CACNA1H: variants seen among roughly 807,000 people sequenced by gnomAD.
The protein encoded by CACNA1H is calcium voltage-gated channel subunit alpha1 H.
CACNA1H carries 149 observed loss-of-function variants against 192.5 expected under a neutral mutation model. The observed-to-expected ratio is 0.77, with a 90% CI of 0.68 to 0.89. The LOEUF (loss-of-function observed/expected upper bound fraction) is 0.89. CACNA1H is among the 40% of genes least tolerant of loss of function. The probability of loss-of-function intolerance (pLI) is 0.00; values close to 1 mark genes in which losing one functional copy is unlikely to be tolerated. For synonymous variants in CACNA1H, 2,202 were observed against 1,475.2 expected, an observed-to-expected ratio of 1.49 and a Z score of -11.29; for missense variants, 4,257 against 3,423.5, an observed-to-expected ratio of 1.24 and a Z score of -6.08.
chr16:1,180,467 G>T lies in CACNA1H; in HGVS notation c.300-14505G>T, dbSNP rs546451954. On this transcript the variant is annotated intron_variant, in intron 2 of 34. Transcript: ENST00000348261. The surrounding 1 kb of genome is among the most constrained non-coding windows in gnomAD (Gnocchi z 4.4). ...CCCCAGTGGTGGGACTGGAGGTGCC[G>T]TGGAGGGTGGGCCTGTGTCCTGGTG... Among the ~76,000 whole-genome samples, 21 of 152,288 alleles carry T rather than the reference G, an allele frequency of 1.4e-4. No homozygotes were observed.
intron 2 of CACNA1H, among the ~76,000 whole-genome samples, chr16:1,178,988 G>A (rs1019183428): frequency 2.0e-5 from 3 of 152,228 alleles, no homozygotes; most frequent in African/African-American, 7.2e-5. Context: ...ATTTTCCTCG[G>A]GATAAACTGA....
chr16:1,160,644 C>T (rs990310544), intron 2 of CACNA1H, among the ~76,000 whole-genome samples: 4 of 152,158 alleles, frequency 2.6e-5, no homozygotes, highest in Admixed American at 6.5e-5. Context: ...CCTCGCGGGG[C>T]GGAGGTGGGC....
At chr16:1,211,870 G>A in intron 24 of CACNA1H, 65 bp downstream of exon 24, 1 of 1,609,076 alleles carries the variant, frequency 6.2e-7, no homozygotes, top group Non-Finnish European at 8.5e-7. Context: ...CTTGGCCTCT[G>A]GGGACTCGGG....
intron 2 of CACNA1H, among the ~76,000 whole-genome samples, chr16:1,171,756 C>T (rs972708645): frequency 6.6e-6 from 1 of 152,152 alleles, no homozygotes; most frequent in Admixed American, 6.5e-5. Context: ...GGCAGCCTCC[C>T]ACCGTCCACA....
chr16:1,208,361 G>A (rs1031012156), intron 16 of CACNA1H, 140 bp downstream of exon 16: 1 of 691,752 alleles, frequency 1.4e-6, no homozygotes, highest in African/African-American at 1.8e-5. Flanking sequence ...CTGAGAAAGA[G>A]TGTTCTGGTT....
At chr16:1,202,744 C>A (rs183046619) in intron 9 of CACNA1H, among the ~76,000 whole-genome samples, 1 of 152,250 alleles carries the variant, frequency 6.6e-6, no homozygotes, top group African/African-American at 2.4e-5. Flanking sequence ...GGGGCAGCAT[C>A]CCATTGCCCC....
In CACNA1H at chr16:1,199,420, A is replaced by T. The variant is rs1332702706; in HGVS notation, c.803+646A>T. Among the ~76,000 whole-genome samples the T allele has an allele frequency of 5.7e-4, 10 of 17,606 alleles. 1 individual carries two copies. The highest frequency in any genetic ancestry group is 2.8e-3 in the African/African-American group (8 of 2,854). The allele number at this position is 17,606 out of a possible 152,430, so 11.6% of individuals were successfully genotyped here. A position where few individuals can be genotyped will look rare whatever the true frequency, so the allele number is the denominator to read the frequency against. On this transcript the variant is annotated intron_variant, in intron 6 of 34. Transcript: ENST00000348261. ...GTCGCTGCACATATGCCCCACCCCC[A>T]TCATGGCTCCGCCCACCGTGCGGTC...
chr16:1,215,840 C>G (rs1008839446), intron 30 of CACNA1H, among the ~76,000 whole-genome samples: 1 of 152,094 alleles, frequency 6.6e-6, no homozygotes, highest in African/African-American at 2.4e-5. Flanking sequence ...CGGTGCACTT[C>G]CAGAGGCGGG....
intron 2 of CACNA1H, among the ~76,000 whole-genome samples, chr16:1,184,397 C>T (rs1038237044): frequency 3.9e-5 from 6 of 152,248 alleles, no homozygotes; most frequent in African/African-American, 9.6e-5. Flanking sequence ...GGACTCCAGG[C>T]GGCTTGGCCT....
At chr16:1,198,019 T>G (rs1308079989) in intron 5 of CACNA1H, among the ~76,000 whole-genome samples, 1 of 152,120 alleles carries the variant, frequency 6.6e-6, no homozygotes. Flanking sequence ...CAGCAGCCTC[T>G]CTCTGAGATG....
rs756807176 is a variant in CACNA1H at position 1,220,837 on chromosome 16, C to T, written c.6905C>T (p.Pro2302Leu). 13 of 1,612,662 alleles carry T rather than the reference C, an allele frequency of 8.1e-6. No homozygotes were observed. The East Asian group carries it at 1.3e-4, about 17-fold the overall frequency. The change falls in exon 35 of 35, where the codon CCC becomes CTC. Residue 2302 changes from proline to leucine, a missense_variant. Pro to Leu is a moderately conservative substitution (Grantham distance 98). Transcript: ENST00000348261. ...GCTTCCTCTTCAGGGGCCATAGTGCCCCTGGAACCCCCAGAATCAGAGCCT... is the reference window on the plus strand; with the variant it reads ...GCTTCCTCTTCAGGGGCCATAGTGCTCCTGGAACCCCCAGAATCAGAGCCT... Reference protein sequence around the residue: ...SRASSSGAIVPLEPPESEPPM... With the variant: ...SRASSSGAIVLLEPPESEPPM...
intron 7 of CACNA1H, 47 bp downstream of exon 7, chr16:1,200,618 A>AGCGGGT: frequency 6.3e-7 from 1 of 1,598,988 alleles, no homozygotes; most frequent in Non-Finnish European, 8.5e-7. Flanking sequence ...ACGGCAGGGG[A>AGCGGGT]GCGGGTGCAG....
intron 2 of CACNA1H, among the ~76,000 whole-genome samples, chr16:1,183,183 C>A (rs925477692): frequency 6.6e-6 from 1 of 152,258 alleles, no homozygotes; most frequent in East Asian, 1.9e-4. Context: ...CCTCCACCCC[C>A]GTGCGGCTGT....
Position 1,220,187 on chromosome 16 carries a change from C to T in CACNA1H, c.6255C>T (p.Ala2085=), listed in dbSNP as rs751609693. The T allele has an allele frequency of 1.3e-6, 2 of 1,530,876 alleles. No individual in the cohort carries two copies. The highest frequency in any genetic ancestry group is 2.5e-5 in the South Asian group (2 of 79,062). 94.8% of individuals were successfully genotyped at this position (1,530,876 alleles called of 1,614,324 possible). Residue 2085 remains alanine, a synonymous_variant, in exon 35 of 35, where the codon GCC becomes GCT. Transcript: ENST00000348261. ...GQRCVSSRPA[A]PGGEEAEASD... ...GCTGCGTCTCCAGCCGGCCGGCGGC[C>T]CCAGGCGGAGAGGAGGCCGAGGCCT...
intron 2 of CACNA1H, among the ~76,000 whole-genome samples, chr16:1,186,788 C>T (rs74818771): frequency 2.6e-5 from 4 of 152,206 alleles, no homozygotes; most frequent in Admixed American, 6.5e-5. Flanking sequence ...CCTTCTAGCT[C>T]TTCTGTATAC....
At chr16:1,156,333 A>G (rs1026887376) in intron 2 of CACNA1H, among the ~76,000 whole-genome samples, 3 of 152,162 alleles carry the variant, frequency 2.0e-5, no homozygotes, top group African/African-American at 4.8e-5. Context: ...CCCCGGCTGC[A>G]TGGGGGTGGG....
chr16:1,173,038 T>C (rs1964523009), intron 2 of CACNA1H, among the ~76,000 whole-genome samples: 2 of 151,986 alleles, frequency 1.3e-5, no homozygotes, highest in South Asian at 4.2e-4. Flanking sequence ...GCCCTGGGTG[T>C]GGCGTGGAGA....
chr16:1,219,221 G>A, intron 34 of CACNA1H, 91 bp downstream of exon 34: 5 of 1,292,716 alleles, frequency 3.9e-6, no homozygotes, highest in Non-Finnish European at 5.2e-6. Flanking sequence ...AGCAGACGAG[G>A]ACAAGGCAGG....
At chr16:1,159,201 G>A (rs952201704) in intron 2 of CACNA1H, among the ~76,000 whole-genome samples, 3 of 152,234 alleles carry the variant, frequency 2.0e-5, no homozygotes, top group Non-Finnish European at 2.9e-5. Flanking sequence ...TCCGTATCCC[G>A]GGGTAGAACG....
Sources: gnomAD v4.1 joint callset for allele counts (sites outside exome capture counted in the v4.1 genomes callset) on GRCh38, gnomAD v4.1.1 for gene constraint, Gnocchi (gnomAD v3.1) non-coding constraint, MANE v1.5 for transcripts, NCBI Gene and HGNC (gene_info 2026-07-23, HGNC 2026-07-21) for gene names.